The following SNX9 variants were observed in gnomAD, a reference collection of about 807,000 sequenced individuals.
SNX9 encodes the protein sorting nexin-9.
In SNX9, 44 loss-of-function variants were observed where a neutral mutation model predicts 89.4. The observed-to-expected ratio is 0.49, with a 90% CI of 0.39 to 0.63. The LOEUF (loss-of-function observed/expected upper bound fraction) is 0.63. Ranked by LOEUF, SNX9 falls within the 30% of genes least tolerant of loss-of-function variation. SNX9 has a pLI of 0.00. For missense variants in SNX9, 578 were observed against 736.1 expected (o/e 0.79, Z 2.49); for synonymous variants, 236 against 247.8 (o/e 0.95, Z 0.45).
intron 1 of SNX9, among the ~76,000 whole-genome samples, chr6:157,825,289 G>A (rs546052741): frequency 2.6e-5 from 4 of 152,170 alleles, no homozygotes; most frequent in African/African-American, 7.2e-5. Context: ...AAGAGAAGAC[G>A]GTTTATGACA....
intron 1 of SNX9, among the ~76,000 whole-genome samples, chr6:157,854,078 T>TAC (rs1294594553): frequency 1.3e-5 from 2 of 152,248 alleles, no homozygotes; most frequent in Non-Finnish European, 2.9e-5. Context: ...ACCTTGTAAA[T>TAC]ACACACACTG....
At chr6:157,842,122 A>C (rs138669291) in intron 1 of SNX9, among the ~76,000 whole-genome samples, 264 of 152,360 alleles carry the variant, frequency 1.7e-3, no homozygotes, top group Non-Finnish European at 2.9e-3. Context: ...TTCAGAATAC[A>C]TTCTTAATAT....
chr6:157,942,570 G>A (rs3749843), intron 17 of SNX9, among the ~76,000 whole-genome samples: 7,051 of 152,354 alleles, frequency 0.046, 205 homozygotes, highest in East Asian at 0.12. Flanking sequence ...GCCTCCCGGC[G>A]GGAAGGGACC....
chr6:157,826,815 A>ATATTTTAT (rs1562585891), intron 1 of SNX9, among the ~76,000 whole-genome samples: 3 of 107,432 alleles, frequency 2.8e-5, no homozygotes, highest in African/African-American at 1.6e-4. Context: ...TTTATATATA[A>ATATTTTAT]ATATATATTA....
intron 4 of SNX9, chr6:157,892,786 T>G (rs1782890394): frequency 6.6e-6 from 1 of 152,236 alleles, no homozygotes; most frequent in South Asian, 2.1e-4. Context: ...ACATTCACTC[T>G]CCTGTTCTAG....
Position 157,866,779 on chromosome 6 carries a change from C to T in SNX9, c.13-768C>T, listed in dbSNP as rs557040421. Among the ~76,000 whole-genome samples the T allele has an allele frequency of 2.6e-5, 4 of 152,050 alleles. No homozygotes were observed. The South Asian group carries it at 6.2e-4, about 24-fold the overall frequency. On this transcript the variant is annotated intron_variant, in intron 1 of 17. Coordinates refer to ENST00000392185, the MANE Select transcript of SNX9 (RefSeq NM_016224.5). Reference sequence around the variant, plus strand: ...GAGCAGTGAACATTTTAATAGCAAGCGATTCTTCTAAAGATGTGTGAATCT... The same window carrying T: ...GAGCAGTGAACATTTTAATAGCAAGTGATTCTTCTAAAGATGTGTGAATCT...
intron 1 of SNX9, among the ~76,000 whole-genome samples, chr6:157,843,560 G>A (rs1232631504): frequency 6.6e-6 from 1 of 152,148 alleles, no homozygotes; most frequent in East Asian, 1.9e-4. Context: ...GGGTGGAGTG[G>A]CAGAAATAGA....
chr6:157,915,243 G>C (rs1378382792), intron 9 of SNX9, among the ~76,000 whole-genome samples: 1 of 152,014 alleles, frequency 6.6e-6, no homozygotes, highest in Non-Finnish European at 1.5e-5. Flanking sequence ...CCTCCAACTT[G>C]GTTCCTTTAC....
intron 1 of SNX9, among the ~76,000 whole-genome samples, chr6:157,848,046 G>T (rs542795483): frequency 3.3e-5 from 5 of 152,138 alleles, no homozygotes; most frequent in South Asian, 2.1e-4. Context: ...TTACTCTGTC[G>T]CATCACCTGA....
chr6:157,906,305 G>A, intron 7 of SNX9, 93 bp downstream of exon 7: 2 of 986,872 alleles, frequency 2.0e-6, no homozygotes, highest in South Asian at 3.1e-5. Flanking sequence ...CTTTTGGAAA[G>A]TATTTTTAAA....
intron 4 of SNX9, among the ~76,000 whole-genome samples, chr6:157,894,110 T>TC (rs1218775143): frequency 1.7e-5 from 2 of 118,636 alleles, no homozygotes; most frequent in East Asian, 2.5e-4. Context: ...TCTTTTCTTT[T>TC]TTTTTTTTTT....
chr6:157,882,119 T>C (rs375450063), intron 4 of SNX9, among the ~76,000 whole-genome samples: 3 of 152,196 alleles, frequency 2.0e-5, no homozygotes, highest in African/African-American at 7.2e-5. Flanking sequence ...CTGGTAACTT[T>C]ATGTTGAAAC....
At chr6:157,842,951 A>G (rs1180172114) in intron 1 of SNX9, among the ~76,000 whole-genome samples, 2 of 152,178 alleles carry the variant, frequency 1.3e-5, no homozygotes, top group South Asian at 2.1e-4. Context: ...GCTGTTACCA[A>G]TTTTGTTTCA....
intron 9 of SNX9, among the ~76,000 whole-genome samples, chr6:157,919,370 C>T (rs1283707048): frequency 6.6e-6 from 1 of 152,092 alleles, no homozygotes; most frequent in Admixed American, 6.5e-5. Context: ...TTGATGTATT[C>T]TAATATTTTA....
intron 15 of SNX9, 87 bp downstream of exon 15, chr6:157,937,610 A>G: frequency 3.3e-6 from 3 of 912,142 alleles, no homozygotes; most frequent in Non-Finnish European, 5.2e-6. Context: ...TTATATGTTT[A>G]TTATTAAAAA....
intron 3 of SNX9, among the ~76,000 whole-genome samples, chr6:157,873,561 AAT>A (rs1562601022): frequency 2.0e-5 from 3 of 146,948 alleles, no homozygotes; most frequent in African/African-American, 7.5e-5. Context: ...ATACATTTTA[AAT>A]ATATATTTAT....
intron 13 of SNX9, 99 bp downstream of exon 13, chr6:157,932,371 C>A: frequency 1.9e-6 from 2 of 1,078,332 alleles, no homozygotes; most frequent in Non-Finnish European, 2.8e-6. Context: ...CTCAGTGAAG[C>A]ACCCTGGTTG....
At chr6:157,852,653 A>G (rs1276730418) in intron 1 of SNX9, among the ~76,000 whole-genome samples, 1 of 152,044 alleles carries the variant, frequency 6.6e-6, no homozygotes, top group Non-Finnish European at 1.5e-5. Flanking sequence ...ATCACAGCTC[A>G]CTGCAGCCTC....
chr6:157,922,606 G>A (rs1309150488), intron 10 of SNX9, among the ~76,000 whole-genome samples: 1 of 152,184 alleles, frequency 6.6e-6, no homozygotes, highest in Non-Finnish European at 1.5e-5. Context: ...GTTTACAGGT[G>A]TATGCATACA....
Sources: allele counts gnomAD v4.1 joint callset (sites outside exome capture counted in the v4.1 genomes callset), GRCh38; gene constraint gnomAD v4.1.1; transcripts MANE v1.5; gene names NCBI Gene and HGNC (gene_info 2026-07-23, HGNC 2026-07-21).